SRR: variants seen among roughly 807,000 people sequenced by gnomAD.
The protein encoded by SRR is D-serine ammonia-lyase.
A neutral mutation model predicts 32.7 loss-of-function variants in SRR; 19 were observed. That is an observed-to-expected ratio of 0.58 (90% CI 0.40 to 0.85). SRR has a LOEUF of 0.85. SRR is among the 40% of genes least tolerant of loss of function. The probability of loss-of-function intolerance (pLI) is 0.00; values close to 1 mark genes in which losing one functional copy is unlikely to be tolerated. For missense variants in SRR, 373 were observed against 404.7 expected (o/e 0.92, Z 0.67); for synonymous variants, 142 against 140.9 (o/e 1.01, Z -0.06).
intron 4 of SRR, among the ~76,000 whole-genome samples, chr17:2,320,558 ATCT>A (rs898921794): frequency 1.4e-5 from 2 of 143,968 alleles, no homozygotes; most frequent in African/African-American, 2.6e-5. Flanking sequence ...CTGGTCCCTC[ATCT>A]TCTTTTTATT....
Position 2,325,206 on chromosome 17 carries a change from T to C in SRR, c.*1333T>C. ...TATTTTGAAAACCATCATTACCTTC[T>C]CCATACCATTTGGCTCCCAAATTTA... On this transcript the variant is annotated 3_prime_UTR_variant, in exon 8 of 8. Transcript: ENST00000344595. 1.2e-6 allele frequency: 1 copy of C among 855,246 alleles called. No homozygotes were observed. The highest frequency in any genetic ancestry group is 1.8e-6 in the Non-Finnish European group (1 of 545,674). 53.0% of individuals were successfully genotyped at this position (855,246 alleles called of 1,614,324 possible). A position where few individuals can be genotyped will look rare whatever the true frequency, so the allele number is the denominator to read the frequency against.
rs1270706647 is a variant in SRR, at chr17:2,323,327, C to A, written c.786C>A (p.Val262=). The change falls in exon 7 of 8, where the codon GTC becomes GTA. Residue 262 remains valine (V), a synonymous_variant. Transcript: ENST00000344595. The part of the protein sequence containing the change: ...IRDLVDDIFT[V]TEDEIKCATQ... Reference sequence around the variant, plus strand: ...ACCTTGTGGATGATATCTTCACTGTCACAGAGGATGAAATTAAGGTGAGGC... The same window carrying A: ...ACCTTGTGGATGATATCTTCACTGTAACAGAGGATGAAATTAAGGTGAGGC... The A allele has an allele frequency of 2.5e-6, 4 of 1,613,930 alleles. No individual in the cohort carries two copies. Among genetic ancestry groups the A allele is most frequent in the Non-Finnish European group, 3.4e-6 (4 of 1,179,888 alleles).
At chr17:2,315,094 T>C (rs1255778049) in intron 1 of SRR, among the ~76,000 whole-genome samples, 1 of 150,586 alleles carries the variant, frequency 6.6e-6, no homozygotes, top group African/African-American at 2.4e-5. Flanking sequence ...ATATAAAAAT[T>C]AGCTGGGCAC....
intron 1 of SRR, among the ~76,000 whole-genome samples, chr17:2,313,239 G>A (rs1343906844): frequency 6.6e-6 from 1 of 151,952 alleles, no homozygotes; most frequent in African/African-American, 2.4e-5. Flanking sequence ...AGACTAGCCT[G>A]GCCAACATGG....
In SRR at chr17:2,303,995, A is replaced by C; in HGVS notation, c.-27A>C. The C allele has an allele frequency of 6.4e-6, 2 of 312,208 alleles. No individual in the cohort carries two copies. Among genetic ancestry groups the C allele is most frequent in the Non-Finnish European group, 5.8e-6 (1 of 171,532 alleles). 19.3% of individuals were successfully genotyped at this position (312,208 alleles called of 1,614,324 possible). ...GGAGGCGCGCGGAGGCTGGAGCTGG[A>C]GGCGCGGCGCCGGTGAGCTGAGGTG... On this transcript the variant is annotated 5_prime_UTR_variant, in exon 1 of 8. Transcript: ENST00000344595.
At chr17:2,309,999 C>T (rs2075422009) in intron 1 of SRR, 8 of 152,216 alleles carry the variant, frequency 5.3e-5, no homozygotes, top group Admixed American at 5.2e-4. Flanking sequence ...AGGTGAGAGA[C>T]TAAGAGTCTG....
chr17:2,310,356 A>G (rs2075424740), intron 1 of SRR, among the ~76,000 whole-genome samples: 1 of 152,038 alleles, frequency 6.6e-6, no homozygotes, highest in African/African-American at 2.4e-5. Context: ...AATTACCACT[A>G]CAGGCGCCTG....
intron 2 of SRR, among the ~76,000 whole-genome samples, chr17:2,317,469 GC>G (rs2075485469): frequency 6.6e-6 from 1 of 151,114 alleles, no homozygotes; most frequent in Non-Finnish European, 1.5e-5. Flanking sequence ...CCGAGATCGC[GC>G]CACTGCACTG....
At chr17:2,317,428 C>G (rs1020296903) in intron 2 of SRR, among the ~76,000 whole-genome samples, 4 of 151,472 alleles carry the variant, frequency 2.6e-5, no homozygotes, top group African/African-American at 7.3e-5. Context: ...AGGAGAATGG[C>G]GTGAACCCGG....
At position 2,315,735 on chromosome 17, in the gene SRR, A is replaced by G. The variant is rs1020745206; in HGVS notation, c.168+7A>G. 10 of 1,612,308 alleles carry G rather than the reference A, an allele frequency of 6.2e-6. No individual in the cohort carries two copies. Among genetic ancestry groups the G allele is most frequent in the African/African-American group, 1.3e-5 (1 of 74,850 alleles). Reference sequence around the variant, plus strand: ...GAAAACAGGATCTTTTAAGGTAACAATCCTTTTTCTCAGTGTATCATGTAT... The same window carrying G: ...GAAAACAGGATCTTTTAAGGTAACAGTCCTTTTTCTCAGTGTATCATGTAT... On this transcript the variant is annotated splice_region_variant and intron_variant, in intron 2 of 7. Transcript: ENST00000344595.
At position 2,317,885 on chromosome 17, in the gene SRR, A is replaced by G. The variant is rs2075490248; in HGVS notation, c.184A>G (p.Asn62Asp). Residue 62 changes from asparagine (N) to aspartate (D), a missense_variant, in exon 3 of 8, where the codon AAT becomes GAT. By Grantham distance (23) the Asn-to-Asp change is conservative. Transcript: ENST00000344595. ...TGSFKIRGAL[N>D]AVRSLVPDAL... ...TCTTTTTCAGATTCGTGGTGCTCTC[A>G]ATGCCGTCAGAAGCTTGGTTCCTGA... 6.2e-7 allele frequency: 1 copy of G among 1,613,792 alleles called. No individual in the cohort carries two copies. The highest frequency in any genetic ancestry group is 1.7e-5 in the Admixed American group (1 of 59,966).
chr17:2,307,470 T>C (rs890300762), intron 1 of SRR: 2 of 1,434,650 alleles, frequency 1.4e-6, no homozygotes, highest in Non-Finnish European at 1.9e-6. Context: ...GTGGTGGATA[T>C]CGTGCAGTGG....
rs1372672574 is a variant in SRR, at chr17:2,324,059, G to A, written c.*186G>A. Reference sequence around the variant, plus strand: ...TACTTAACTGAGACATTTTGTCAAGGCTAAAAAAAAGTCTTGCAAAATGGG... The same window carrying A: ...TACTTAACTGAGACATTTTGTCAAGACTAAAAAAAAGTCTTGCAAAATGGG... On this transcript the variant is annotated 3_prime_UTR_variant, in exon 8 of 8. Transcript: ENST00000344595. 7.8e-7 allele frequency: 1 copy of A among 1,286,146 alleles called. No homozygotes were observed. The highest frequency in any genetic ancestry group is 2.3e-5 in the East Asian group (1 of 42,902). The allele number at this position is 1,286,146 out of a possible 1,614,324, so 79.7% of individuals were successfully genotyped here.
Position 2,315,741 on chromosome 17 carries a change from T to C in SRR, c.168+13T>C. 1.2e-6 allele frequency: 2 copies of C among 1,611,040 alleles called. No homozygotes were observed. The highest frequency in any genetic ancestry group is 2.2e-5 in the East Asian group (1 of 44,846). Reference sequence around the variant, plus strand: ...AGGATCTTTTAAGGTAACAATCCTTTTTCTCAGTGTATCATGTATGTTTTC... The same window carrying C: ...AGGATCTTTTAAGGTAACAATCCTTCTTCTCAGTGTATCATGTATGTTTTC... On this transcript the variant is annotated intron_variant, in intron 2 of 7. Transcript: ENST00000344595.
intron 1 of SRR, among the ~76,000 whole-genome samples, chr17:2,310,968 G>A (rs532530952): frequency 6.6e-6 from 1 of 151,692 alleles, no homozygotes; most frequent in South Asian, 2.1e-4. Context: ...GGATGGTCTC[G>A]ATCTCCTGAC....
intron 6 of SRR, among the ~76,000 whole-genome samples, chr17:2,322,206 G>C (rs181027275): frequency 2.6e-5 from 4 of 152,174 alleles, no homozygotes; most frequent in Admixed American, 6.5e-5. Flanking sequence ...TAGGATTACA[G>C]GTGTGAGCCA....
chr17:2,317,132 G>A (rs1195536202), intron 2 of SRR, among the ~76,000 whole-genome samples: 1 of 142,796 alleles, frequency 7.0e-6, no homozygotes, highest in Non-Finnish European at 1.5e-5. Context: ...GAACCCAGAA[G>A]GCAGAGGTTG....
At position 2,323,813 on chromosome 17, in the gene SRR, C is replaced by T. The variant is rs774447773; in HGVS notation, c.963C>T (p.Ser321=). Residue 321 remains serine, a synonymous_variant, in exon 8 of 8, where the codon TCC becomes TCT. Transcript: ENST00000344595. Reference sequence around the variant, plus strand: ...GTGGTGGAAATGTAGACTTAACCTCCTCCATAACTTGGGTGAAGCAGGCTG... The same window carrying T: ...GTGGTGGAAATGTAGACTTAACCTCTTCCATAACTTGGGTGAAGCAGGCTG... The part of the protein sequence containing the change: ...VLSGGNVDLT[S]SITWVKQAER... 1 of 1,614,186 alleles carries T rather than the reference C, an allele frequency of 6.2e-7. No homozygotes were observed. Among genetic ancestry groups the T allele is most frequent in the Admixed American group, 1.7e-5 (1 of 60,020 alleles).
In SRR at chr17:2,323,165, T is replaced by C. The variant is rs2075548128; in HGVS notation, c.624T>C (p.Ala208=). 1 of 1,614,116 alleles carries C rather than the reference T, an allele frequency of 6.2e-7. No homozygotes were observed. The highest frequency in any genetic ancestry group is 1.3e-5 in the African/African-American group (1 of 74,948). ...TGAAACCTAGTGTGAAGGTATATGC[T>C]GCTGAACCCTCAAATGCAGATGACT... The part of the protein sequence containing the change: ...KALKPSVKVY[A]AEPSNADDCY... The change falls in exon 7 of 8, where the codon GCT becomes GCC. Residue 208 remains alanine (A), a synonymous_variant. Coordinates refer to ENST00000344595, the MANE Select transcript of SRR (RefSeq NM_021947.3).
Sources: gnomAD v4.1 joint callset for allele counts (sites outside exome capture counted in the v4.1 genomes callset) on GRCh38, gnomAD v4.1.1 for gene constraint, MANE v1.5 for transcripts, NCBI Gene and HGNC (gene_info 2026-07-23, HGNC 2026-07-21) for gene names.